MAP2K5: variants seen among roughly 807,000 people sequenced by gnomAD.
MAP2K5 encodes dual specificity mitogen-activated protein kinase kinase 5.
In MAP2K5, 49 loss-of-function variants were observed where a neutral mutation model predicts 83.1. The ratio of observed to expected loss-of-function variants is 0.59; its 90% confidence interval spans 0.47 to 0.75. MAP2K5 has a LOEUF of 0.75. Ranked by LOEUF, MAP2K5 falls within the 30% of genes least tolerant of loss-of-function variation. MAP2K5 has a pLI of 0.00. For missense variants in MAP2K5, 457 were observed against 557.5 expected (o/e 0.82, Z 1.82); for synonymous variants, 202 against 191.8 (o/e 1.05, Z -0.44).
At chr15:67,618,526 A>T (rs772069451) in intron 8 of MAP2K5, among the ~76,000 whole-genome samples, 1 of 152,170 alleles carries the variant, frequency 6.6e-6, no homozygotes. Flanking sequence ...CTTCAGACTC[A>T]TATCTGATTA....
intron 3 of MAP2K5, among the ~76,000 whole-genome samples, chr15:67,571,075 A>C (rs934208316): frequency 2.6e-5 from 4 of 152,210 alleles, no homozygotes; most frequent in Admixed American, 6.5e-5. Flanking sequence ...TACTATGTCT[A>C]TATCAGTTCC....
chr15:67,753,162 C>A (rs982209223), intron 19 of MAP2K5, among the ~76,000 whole-genome samples: 1 of 152,050 alleles, frequency 6.6e-6, no homozygotes, highest in Admixed American at 6.6e-5. Context: ...TAAATTTGGA[C>A]CCCTACCTTT....
rs1257642027 is a variant in MAP2K5, at chr15:67,755,644, A to G, written c.1134+7043A>G. 5.9e-5 allele frequency among the ~76,000 whole-genome samples: 9 copies of G among 152,210 alleles called. No individual in the cohort carries two copies. The highest frequency in any genetic ancestry group is 1.2e-4 in the Non-Finnish European group (8 of 68,042). On this transcript the variant is annotated intron_variant, in intron 19 of 21. Transcript: ENST00000178640. This position sits in a 1 kb window ranked among gnomAD's most constrained non-coding sequence, Gnocchi z 4.7. ...GGGTAGATGATTGTCCCTATTCATA[A>G]TGATTCTTTTTAGTACCACCATAAT...
At chr15:67,800,588 G>C (rs2090686455) in intron 21 of MAP2K5, among the ~76,000 whole-genome samples, 1 of 152,192 alleles carries the variant, frequency 6.6e-6, no homozygotes, top group Non-Finnish European at 1.5e-5. Context: ...GTTAGCCACT[G>C]ACAGCAATGA....
intron 21 of MAP2K5, among the ~76,000 whole-genome samples, chr15:67,788,569 A>G (rs2090458913): frequency 6.6e-6 from 1 of 152,214 alleles, no homozygotes; most frequent in Non-Finnish European, 1.5e-5. Flanking sequence ...AAAAAGGCAA[A>G]TAAGGTGAAG....
chr15:67,575,921 T>TTCTTTCTTTCTTTA (rs1555527930), intron 3 of MAP2K5, among the ~76,000 whole-genome samples: 1 of 91,396 alleles, frequency 1.1e-5, no homozygotes, highest in African/African-American at 4.4e-5. Context: ...TCTTTCTTTT[T>TTCTTTCTTTCTTTA]TTTTTTTTTT....
At chr15:67,613,396 A>C (rs565648563) in intron 8 of MAP2K5, among the ~76,000 whole-genome samples, 1 of 152,206 alleles carries the variant, frequency 6.6e-6, no homozygotes, top group Admixed American at 6.5e-5. Context: ...TGTTTGTTTC[A>C]TTCGGTCAGA....
intron 21 of MAP2K5, among the ~76,000 whole-genome samples, chr15:67,787,940 T>A (rs2090447152): frequency 6.6e-6 from 1 of 152,220 alleles, no homozygotes; most frequent in African/African-American, 2.4e-5. Context: ...TACTGCAGTC[T>A]ATTACCCAAA....
At position 67,559,029 on chromosome 15, in the gene MAP2K5, A is replaced by G. The variant is rs911863616; in HGVS notation, c.185-4254A>G. On this transcript the variant is annotated intron_variant, in intron 2 of 21. Coordinates refer to ENST00000178640, the MANE Select transcript of MAP2K5 (RefSeq NM_145160.3). This position sits in a 1 kb window ranked among gnomAD's most constrained non-coding sequence, Gnocchi z 4.7. The stretch of plus-strand genomic sequence containing the variant: ...AACTCATGGATATGAAGATGTGGCC[A>G]TGGAAAGTACGGCCTCTGGTCCTGC... Among the ~76,000 whole-genome samples, 3 of 152,246 alleles carry G rather than the reference A, an allele frequency of 2.0e-5. No individual in the cohort carries two copies. The highest frequency in any genetic ancestry group is 4.4e-5 in the Non-Finnish European group (3 of 68,038).
intron 7 of MAP2K5, among the ~76,000 whole-genome samples, chr15:67,597,693 C>T (rs889864532): frequency 1.3e-5 from 2 of 152,052 alleles, no homozygotes; most frequent in South Asian, 2.1e-4. Flanking sequence ...GATTGTAGAT[C>T]CCTTTAATGA....
intron 19 of MAP2K5, among the ~76,000 whole-genome samples, chr15:67,761,783 T>C (rs1199435290): frequency 6.6e-6 from 1 of 152,226 alleles, no homozygotes; most frequent in Non-Finnish European, 1.5e-5. Context: ...TAAGGGTTTT[T>C]TTCTCTCCTA....
At chr15:67,626,824 C>T (rs571862890) in intron 8 of MAP2K5, among the ~76,000 whole-genome samples, 3 of 152,044 alleles carry the variant, frequency 2.0e-5, no homozygotes, top group Admixed American at 6.6e-5. Context: ...CGCTTGAGCC[C>T]GGGAGTTCAA....
chr15:67,661,396 C>A (rs1225221666), intron 12 of MAP2K5, among the ~76,000 whole-genome samples: 1 of 152,092 alleles, frequency 6.6e-6, no homozygotes, highest in Non-Finnish European at 1.5e-5. Context: ...GTGCACTTGA[C>A]ATGTCAAGGA....
chr15:67,730,292 G>T (rs2089191904), intron 17 of MAP2K5, among the ~76,000 whole-genome samples: 1 of 152,126 alleles, frequency 6.6e-6, no homozygotes, highest in African/African-American at 2.4e-5. Flanking sequence ...CTGAGTTATG[G>T]AATAACACCT....
In MAP2K5 at chr15:67,572,389, T is replaced by TA. The variant is rs2084966027; in HGVS notation, c.253-8364dup. ...CTCTGTTAGTCTGTTTTCATACTGT[T>TA]ATCGGAAAGGGGTCCCAATCCAGAC... is the stretch of plus-strand genomic sequence containing the variant. On this transcript the variant is annotated intron_variant, in intron 3 of 21. Coordinates refer to ENST00000178640, the MANE Select transcript of MAP2K5 (RefSeq NM_145160.3). The surrounding 1 kb of genome is among the most constrained non-coding windows in gnomAD (Gnocchi z 4.2). Among the ~76,000 whole-genome samples, 1 of 152,172 alleles carries TA rather than the reference T, an allele frequency of 6.6e-6. No individual in the cohort carries two copies. The highest frequency in any genetic ancestry group is 1.5e-5 in the Non-Finnish European group (1 of 68,028).
intron 8 of MAP2K5, among the ~76,000 whole-genome samples, chr15:67,629,997 G>A (rs763639006): frequency 3.1e-4 from 47 of 152,200 alleles, no homozygotes; most frequent in African/African-American, 7.9e-4. Context: ...TAGCACTTTC[G>A]TAGACTGAGG....
intron 9 of MAP2K5, 25 bp from the exon 10 acceptor site, chr15:67,646,206 A>G: frequency 3.0e-6 from 3 of 991,814 alleles, no homozygotes; most frequent in Non-Finnish European, 4.5e-6. Context: ...AAGATTAAAA[A>G]ATATTAATAC....
rs1412196705 is a variant in MAP2K5 at position 67,760,130 on chromosome 15, G to A, written c.1135-9472G>A. 6.6e-6 allele frequency among the ~76,000 whole-genome samples: 1 copy of A among 152,164 alleles called. No homozygotes were observed. The highest frequency in any genetic ancestry group is 1.5e-5 in the Non-Finnish European group (1 of 68,028). The stretch of plus-strand genomic sequence containing the variant: ...AAATTGAAAATAGGTTAGCATTAAG[G>A]CCAGGATTCCTTTAGTAATTACTTT... On this transcript the variant is annotated intron_variant, in intron 19 of 21. Coordinates refer to ENST00000178640, the MANE Select transcript of MAP2K5 (RefSeq NM_145160.3). The surrounding 1 kb of genome is among the most constrained non-coding windows in gnomAD (Gnocchi z 4.1).
At chr15:67,751,673 T>C (rs1286314557) in intron 19 of MAP2K5, among the ~76,000 whole-genome samples, 2 of 152,238 alleles carry the variant, frequency 1.3e-5, no homozygotes, top group Non-Finnish European at 2.9e-5. Context: ...GGCAGCCTGT[T>C]GACGGAGTGT....
Sources: allele counts gnomAD v4.1 joint callset (sites outside exome capture counted in the v4.1 genomes callset), GRCh38; gene constraint gnomAD v4.1.1; non-coding constraint Gnocchi (gnomAD v3.1); transcripts MANE v1.5; gene names NCBI Gene and HGNC (gene_info 2026-07-23, HGNC 2026-07-21).